The following PAFAH1B3 variants were observed in gnomAD, a reference collection of about 807,000 sequenced individuals.
PAFAH1B3 encodes platelet activating factor acetylhydrolase 1b catalytic subunit 3, also known as platelet-activating factor acetylhydrolase IB subunit alpha1.
Under a neutral mutation model 24.4 loss-of-function variants are expected in PAFAH1B3, and 15 were observed. That is an observed-to-expected ratio of 0.62 (90% CI 0.41 to 0.95). The LOEUF is 0.95. Ranked by LOEUF, PAFAH1B3 falls within the 40% of genes least tolerant of loss-of-function variation. The pLI is 0.00. For synonymous variants in PAFAH1B3, 144 were observed against 126.5 expected (o/e 1.14, Z -0.93); for missense variants, 266 against 312.2 (o/e 0.85, Z 1.12).
At chr19:42,299,808 C>T in intron 4 of PAFAH1B3, 162 bp downstream of exon 4, 1 of 909,636 alleles carries the variant, frequency 1.1e-6, no homozygotes. Flanking sequence ...AGCATATTCT[C>T]AACCACAGCC....
In PAFAH1B3 at chr19:42,302,586, T is replaced by G; in HGVS notation, c.-277A>C. The G allele has an allele frequency of 5.0e-6, 2 of 400,632 alleles. No individual in the cohort carries two copies. Among genetic ancestry groups the G allele is most frequent in the Non-Finnish European group, 9.1e-6 (2 of 219,970 alleles). 24.8% of individuals were successfully genotyped at this position (400,632 alleles called of 1,614,324 possible). ...GGCGCTTCCCGCTCGGGCCGCTGAC[T>G]CCCAGGCCGCGCACCCGGCACGGGG... On this transcript the variant is annotated 5_prime_UTR_variant, in exon 1 of 5. Transcript: ENST00000262890.
chr19:42,300,379 A>C, intron 2 of PAFAH1B3, 92 bp from the exon 3 acceptor site: 1 of 1,076,980 alleles, frequency 9.3e-7, no homozygotes, highest in Non-Finnish European at 1.4e-6. Flanking sequence ...TGTTAACCAA[A>C]TGCCATTATG....
intron 4 of PAFAH1B3, among the ~76,000 whole-genome samples, chr19:42,298,648 G>GGTTT (rs2038572845): frequency 6.6e-6 from 1 of 152,122 alleles, no homozygotes; most frequent in Non-Finnish European, 1.5e-5. Context: ...GTTTTTTGAG[G>GGTTT]GTTTTTCTTT....
Position 42,300,201 on chromosome 19 carries a change from C to T in PAFAH1B3, c.255G>A (p.Glu85=), listed in dbSNP as rs372592657. ...DGTQHVLWRL[E]NGELEHIRPK... is the part of the protein sequence containing the mutation. ...GCCGGATGTGTTCCAGCTCCCCATT[C>T]TCCAGCCGCCACAGTACATGCTGTG... The change falls in exon 3 of 5, where the codon GAG becomes GAA. Residue 85 remains glutamate, a synonymous_variant. Transcript: ENST00000262890. 2 of 1,614,234 alleles carry T rather than the reference C, an allele frequency of 1.2e-6. No individual in the cohort carries two copies. The highest frequency in any genetic ancestry group is 2.2e-5 in the East Asian group (1 of 44,888).
chr19:42,297,686 G>A (rs1196853285), intron 4 of PAFAH1B3, among the ~76,000 whole-genome samples: 6 of 150,924 alleles, frequency 4.0e-5, no homozygotes, highest in African/African-American at 1.5e-4. Context: ...CCATTCTCCT[G>A]CCTCAGCCTC....
intron 4 of PAFAH1B3, among the ~76,000 whole-genome samples, chr19:42,298,160 G>A (rs142629467): frequency 0.011 from 1,635 of 152,028 alleles, 28 homozygotes; most frequent in African/African-American, 0.036. Context: ...TCATGCCACC[G>A]CACTCCAGCC....
chr19:42,301,099 G>A (rs991237147), intron 2 of PAFAH1B3, among the ~76,000 whole-genome samples: 1 of 152,234 alleles, frequency 6.6e-6, no homozygotes, highest in African/African-American at 2.4e-5. Flanking sequence ...ACAGGCGTAA[G>A]CCACCACACC....
At chr19:42,299,718 G>A (rs2038588229) in intron 4 of PAFAH1B3, among the ~76,000 whole-genome samples, 1 of 152,096 alleles carries the variant, frequency 6.6e-6, no homozygotes, top group Non-Finnish European at 1.5e-5. Flanking sequence ...GTGAGCCACC[G>A]TGCCTGGCCC....
At position 42,300,219 on chromosome 19, in the gene PAFAH1B3, A is replaced by G; in HGVS notation, c.237T>C (p.His79=). ...CCCCATTCTCCAGCCGCCACAGTAC[A>G]TGCTGTGTGCCGTCACCACCAATGC... ...NFGIGGDGTQ[H]VLWRLENGEL... Residue 79 remains histidine (H), a synonymous_variant, in exon 3 of 5, where the codon CAT becomes CAC. Coordinates refer to ENST00000262890, the MANE Select transcript of PAFAH1B3 (RefSeq NM_002573.4). 6.2e-7 allele frequency: 1 copy of G among 1,614,204 alleles called. No homozygotes were observed. Among genetic ancestry groups the G allele is most frequent in the Non-Finnish European group, 8.5e-7 (1 of 1,180,024 alleles).
In PAFAH1B3 at chr19:42,297,181, C is replaced by T. The variant is rs199558799; in HGVS notation, c.593G>A (p.Arg198His). ...HDMYDYLHLS[R>H]LGYTPVCRAL... ...CCGGCAAACAGGTGTGTAGCCCAGG[C>T]GGCTCAGATGCAGGTAATCATACAT... is the stretch of plus-strand genomic sequence containing the variant. Residue 198 changes from arginine to histidine, a missense_variant, in exon 5 of 5, where the codon CGC (arginine) becomes CAC (histidine). Coordinates refer to ENST00000262890, the MANE Select transcript of PAFAH1B3 (RefSeq NM_002573.4). The T allele has an allele frequency of 5.0e-6, 8 of 1,614,096 alleles. No individual in the cohort carries two copies. Among genetic ancestry groups the T allele is most frequent in the East Asian group, 2.2e-5 (1 of 44,882 alleles).
Position 42,300,258 on chromosome 19 carries a change from A to G in PAFAH1B3, c.198T>C (p.His66=), listed in dbSNP as rs368978126. 13 of 1,614,118 alleles carry G rather than the reference A, an allele frequency of 8.1e-6. No homozygotes were observed. The highest frequency in any genetic ancestry group is 8.5e-6 in the Non-Finnish European group (10 of 1,180,046). The part of the protein sequence containing the change: ...EIWRELFSPL[H]ALNFGIGGDG... ...CACCACCAATGCCAAAGTTAAGTGC[A>G]TGCAGAGGAGAGAAGAGCTCGCGCC... Residue 66 remains histidine, a synonymous_variant, in exon 3 of 5, where the codon CAT becomes CAC. Coordinates refer to ENST00000262890, the MANE Select transcript of PAFAH1B3 (RefSeq NM_002573.4).
intron 4 of PAFAH1B3, among the ~76,000 whole-genome samples, chr19:42,298,670 G>A (rs2038573273): frequency 6.6e-6 from 1 of 152,134 alleles, no homozygotes; most frequent in Non-Finnish European, 1.5e-5. Flanking sequence ...GTTTTCTGGT[G>A]AGACAGGGTC....
chr19:42,298,683 T>C (rs1315841290), intron 4 of PAFAH1B3, among the ~76,000 whole-genome samples: 1 of 152,230 alleles, frequency 6.6e-6, no homozygotes, highest in East Asian at 1.9e-4. Context: ...ACAGGGTCTC[T>C]GTCACCCGGG....
chr19:42,297,269 C>T lies in PAFAH1B3; in HGVS notation c.505G>A (p.Ala169Thr), dbSNP rs1165149432. Reference sequence around the variant, plus strand: ...CCAGGGTCGGCATCTAGGAAGTGGGCCCGAGGGTGGCCAGCCAGTGCCGCC... The same window carrying T: ...CCAGGGTCGGCATCTAGGAAGTGGGTCCGAGGGTGGCCAGCCAGTGCCGCC... ...VRAALAGHPR[A>T]HFLDADPGFV... Residue 169 changes from alanine to threonine, a missense_variant, in exon 5 of 5, where the codon GCC becomes ACC. Coordinates refer to ENST00000262890, the MANE Select transcript of PAFAH1B3 (RefSeq NM_002573.4). The T allele has an allele frequency of 6.2e-7, 1 of 1,614,078 alleles. No homozygotes were observed. Among genetic ancestry groups the T allele is most frequent in the Admixed American group, 1.7e-5 (1 of 60,026 alleles).
chr19:42,299,873 C>G, intron 4 of PAFAH1B3, 97 bp downstream of exon 4: 1 of 1,497,442 alleles, frequency 6.7e-7, no homozygotes, highest in Middle Eastern at 2.4e-4. Context: ...AGCCACTGCT[C>G]TATGTCAAGC....
At position 42,297,229 on chromosome 19, in the gene PAFAH1B3, T is replaced by C. The variant is rs769423201; in HGVS notation, c.545A>G (p.Asp182Gly). ...LDADPGFVHS[D>G]GTISHHDMYD... ...CATGTCATGATGGCTGATGGTGCCATCTGAGTGCACAAAGCCAGGGTCGGC... is the reference window on the plus strand; with the variant it reads ...CATGTCATGATGGCTGATGGTGCCACCTGAGTGCACAAAGCCAGGGTCGGC... Residue 182 changes from aspartate (D) to glycine (G), a missense_variant, in exon 5 of 5, where the codon GAT becomes GGT. Physicochemically the swap from Asp to Gly is moderately conservative, Grantham distance 94. Transcript: ENST00000262890. 1.9e-6 allele frequency: 3 copies of C among 1,613,990 alleles called. No homozygotes were observed. Among genetic ancestry groups the C allele is most frequent in the African/African-American group, 2.7e-5 (2 of 74,916 alleles).
intron 2 of PAFAH1B3, among the ~76,000 whole-genome samples, chr19:42,300,577 G>A (rs2038606105): frequency 6.6e-6 from 1 of 152,174 alleles, no homozygotes; most frequent in Admixed American, 6.5e-5. Flanking sequence ...GAGTGCACTG[G>A]CACTATCTCG....
At position 42,300,263 on chromosome 19, in the gene PAFAH1B3, G is replaced by T. The variant is rs1334805953; in HGVS notation, c.193C>A (p.Leu65Met). The T allele has an allele frequency of 6.2e-7, 1 of 1,614,248 alleles. No homozygotes were observed. The highest frequency in any genetic ancestry group is 1.1e-5 in the South Asian group (1 of 91,088). ...CCAATGCCAAAGTTAAGTGCATGCA[G>T]AGGAGAGAAGAGCTCGCGCCAGATC... ...CEIWRELFSPLHALNFGIGGD... is the reference protein window; with the variant it reads ...CEIWRELFSPMHALNFGIGGD... The change falls in exon 3 of 5, where the codon CTG becomes ATG. Residue 65 changes from leucine (L) to methionine (M), a missense_variant. By Grantham distance (15) the Leu-to-Met change is conservative. Coordinates refer to ENST00000262890, the MANE Select transcript of PAFAH1B3 (RefSeq NM_002573.4).
chr19:42,302,164 AC>A, intron 1 of PAFAH1B3, 67 bp downstream of exon 1: 2 of 1,506,720 alleles, frequency 1.3e-6, no homozygotes, highest in Non-Finnish European at 1.8e-6. Context: ...AGTGGCACGA[AC>A]CAGCCGTTCT....
Sources: gnomAD v4.1 joint callset for allele counts (sites outside exome capture counted in the v4.1 genomes callset) on GRCh38, gnomAD v4.1.1 for gene constraint, MANE v1.5 for transcripts, NCBI Gene and HGNC (gene_info 2026-07-23, HGNC 2026-07-21) for gene names.